Variants in ECEL1 observed in about 807,000 individuals in gnomAD.
The protein encoded by ECEL1 is endothelin-converting enzyme-like 1.
In ECEL1, 87 loss-of-function variants were observed where a neutral mutation model predicts 101.8. The observed-to-expected ratio is 0.85, with a 90% CI of 0.72 to 1.02. ECEL1 has a LOEUF of 1.02. ECEL1 is among the 50% of genes least tolerant of loss of function. The pLI is 0.00. For missense variants in ECEL1, 1,032 were observed against 1,079.2 expected, an observed-to-expected ratio of 0.96 and a Z score of 0.61; for synonymous variants, 487 against 468.7, an observed-to-expected ratio of 1.04 and a Z score of -0.50.
rs769639275 is a variant in ECEL1 at position 232,485,944 on chromosome 2, C to A, written c.710G>T (p.Gly237Val). The change falls in exon 2 of 18, where the codon GGC (glycine) becomes GTC (valine). Residue 237 changes from glycine to valine, a missense_variant. Physicochemically the swap from Gly to Val is moderately radical, Grantham distance 109. Transcript: ENST00000304546. Reference protein sequence around the residue: ...DLNRLLYKAQGVYSAAALFSL... With the variant: ...DLNRLLYKAQVVYSAAALFSL... ...GAAGAGCGCGGCGGCGCTGTACACGCCCTGCGCCTTGTACAGCAGCCGGTT... is the reference window on the plus strand; with the variant it reads ...GAAGAGCGCGGCGGCGCTGTACACGACCTGCGCCTTGTACAGCAGCCGGTT... The A allele has an allele frequency of 6.3e-7, 1 of 1,585,744 alleles. No homozygotes were observed. Among genetic ancestry groups the A allele is most frequent in the Admixed American group, 1.8e-5 (1 of 56,478 alleles).
Position 232,481,636 on chromosome 2 carries a change from G to C in ECEL1, c.1865-6C>G. Reference sequence around the variant, plus strand: ...TGAGCGGTCATACTGGCCCCCTGTGGGCAGTGCAGCAGGCTGAGACCCACC... The same window carrying C: ...TGAGCGGTCATACTGGCCCCCTGTGCGCAGTGCAGCAGGCTGAGACCCACC... On this transcript the variant is annotated splice_region_variant and splice_polypyrimidine_tract_variant and intron_variant, in intron 13 of 17. Transcript: ENST00000304546. 6.2e-7 allele frequency: 1 copy of C among 1,613,416 alleles called. No homozygotes were observed. The highest frequency in any genetic ancestry group is 2.2e-5 in the East Asian group (1 of 44,876).
intron 7 of ECEL1, 116 bp from the exon 8 acceptor site, chr2:232,483,630 G>T: frequency 2.4e-6 from 2 of 821,202 alleles, no homozygotes; most frequent in Non-Finnish European, 3.7e-6. Flanking sequence ...CCTCATTTCT[G>T]AACACCAAGA....
chr2:232,480,817 G>A lies in ECEL1; in HGVS notation c.2056-4C>T. ...CCCGCACCCACTTCTGATAGGCCTG[G>A]GGACACAGAGAGCATGGACCTGCTA... On this transcript the variant is annotated splice_region_variant and splice_polypyrimidine_tract_variant and intron_variant, in intron 15 of 17. Coordinates refer to ENST00000304546, the MANE Select transcript of ECEL1 (RefSeq NM_004826.4). The A allele has an allele frequency of 1.9e-6, 3 of 1,611,660 alleles. No individual in the cohort carries two copies. Among genetic ancestry groups the A allele is most frequent in the Non-Finnish European group, 2.5e-6 (3 of 1,178,928 alleles).
In ECEL1 at chr2:232,479,871, G is replaced by A. The variant is rs763458420; in HGVS notation, c.*282C>T. ...GACCAGACTTTGCAGCAAGAACACAGCGAAGGTGGGGCCCGTACAATCCAG... is the reference window on the plus strand; with the variant it reads ...GACCAGACTTTGCAGCAAGAACACAACGAAGGTGGGGCCCGTACAATCCAG... On this transcript the variant is annotated 3_prime_UTR_variant, in exon 18 of 18. Coordinates refer to ENST00000304546, the MANE Select transcript of ECEL1 (RefSeq NM_004826.4). 1.0e-5 allele frequency: 5 copies of A among 490,858 alleles called. No individual in the cohort carries two copies. Among genetic ancestry groups the A allele is most frequent in the Non-Finnish European group, 1.8e-5 (5 of 271,816 alleles). The allele number at this position is 490,858 out of a possible 1,614,324, so 30.4% of individuals were successfully genotyped here. A position where few individuals can be genotyped will look rare whatever the true frequency, so the allele number is the denominator to read the frequency against.
At position 232,481,530 on chromosome 2, in the gene ECEL1, G is replaced by T; in HGVS notation, c.1965C>A (p.Asp655Glu). Reference sequence around the variant, plus strand: ...CCCGCTGGTTGTAGACAGTGAAGTTGTCATAGAGACGGACGATGCACTCAG... The same window carrying T: ...CCCGCTGGTTGTAGACAGTGAAGTTTTCATAGAGACGGACGATGCACTCAG... ...RKAECIVRLY[D>E]NFTVYNQRVN... Residue 655 changes from aspartate to glutamate, a missense_variant, in exon 14 of 18, where the codon GAC becomes GAA. Physicochemically the swap from Asp to Glu is conservative, Grantham distance 45. Transcript: ENST00000304546. The T allele has an allele frequency of 6.2e-7, 1 of 1,612,956 alleles. No homozygotes were observed. Among genetic ancestry groups the T allele is most frequent in the Non-Finnish European group, 8.5e-7 (1 of 1,179,636 alleles).
In ECEL1 at chr2:232,481,699, C is replaced by T. The variant is rs1384870414; in HGVS notation, c.1865-69G>A. 7 of 1,606,344 alleles carry T rather than the reference C, an allele frequency of 4.4e-6. No individual in the cohort carries two copies. The African/African-American group carries it at 8.0e-5, about 18-fold the overall frequency. ...CCCTCCCCTCCCCACCCACCAGCCCCAGTTAGGCCATCCCCTACCCTGCCT... is the reference window on the plus strand; with the variant it reads ...CCCTCCCCTCCCCACCCACCAGCCCTAGTTAGGCCATCCCCTACCCTGCCT... On this transcript the variant is annotated intron_variant, in intron 13 of 17. Coordinates refer to ENST00000304546, the MANE Select transcript of ECEL1 (RefSeq NM_004826.4).
intron 17 of ECEL1, 60 bp from the exon 18 acceptor site, chr2:232,480,312 C>G (rs937734530): frequency 3.1e-6 from 5 of 1,612,424 alleles, no homozygotes; most frequent in East Asian, 4.5e-5. Context: ...CCCCAGCAAC[C>G]AGGGGTGACT....
chr2:232,480,913 AG>A, intron 15 of ECEL1, 100 bp from the exon 16 acceptor site: 3 of 1,378,534 alleles, frequency 2.2e-6, no homozygotes, highest in East Asian at 2.5e-5. Flanking sequence ...CTCCCTGTGA[AG>A]GGGGGCCCGT....
rs902560306 is a variant in ECEL1 at position 232,483,229 on chromosome 2, C to T, written c.1507-50G>A. 6 of 1,567,728 alleles carry T rather than the reference C, an allele frequency of 3.8e-6. No individual in the cohort carries two copies. The Admixed American group carries it at 1.1e-4, about 30-fold the overall frequency. On this transcript the variant is annotated intron_variant, in intron 8 of 17. Transcript: ENST00000304546. ...TGGCACCAGGCCTCGGGAGACAGCC[C>T]CCCGCCCCCCACCCTACCCACCAAG...
chr2:232,481,936 C>A, intron 12 of ECEL1, 87 bp from the exon 13 acceptor site: 7 of 1,580,032 alleles, frequency 4.4e-6, no homozygotes, highest in African/African-American at 1.3e-5. Flanking sequence ...GTCCCCTGGC[C>A]GGGCCAGGAG....
intron 1 of ECEL1, among the ~76,000 whole-genome samples, 184 bp from the exon 2 acceptor site, chr2:232,486,938 C>G (rs534551610): frequency 6.6e-6 from 1 of 152,166 alleles, no homozygotes; most frequent in Non-Finnish European, 1.5e-5. Flanking sequence ...AGTCTTCCCC[C>G]CTGTCCCCTC....
rs761330693 is a variant in ECEL1, at chr2:232,482,968, G to C, written c.1582-14C>G. 1.9e-6 allele frequency: 3 copies of C among 1,613,916 alleles called. No homozygotes were observed. Among genetic ancestry groups the C allele is most frequent in the Non-Finnish European group, 2.5e-6 (3 of 1,179,904 alleles). On this transcript the variant is annotated splice_polypyrimidine_tract_variant and intron_variant, in intron 9 of 17. Coordinates refer to ENST00000304546, the MANE Select transcript of ECEL1 (RefSeq NM_004826.4). ...ATGGACCTCAAACTGCAGGAGGCAC[G>C]GGCGACACTCAGCGGCAGGCCAGGG...
chr2:232,481,696 C>T, intron 13 of ECEL1, 66 bp from the exon 14 acceptor site: 4 of 1,605,010 alleles, frequency 2.5e-6, no homozygotes, highest in East Asian at 2.2e-5. Context: ...CACCCACCAG[C>T]CCCAGTTAGG....
At position 232,480,442 on chromosome 2, in the gene ECEL1, A is replaced by G. The variant is rs1167029737; in HGVS notation, c.2185T>C (p.Tyr729His). 4 of 1,613,964 alleles carry G rather than the reference A, an allele frequency of 2.5e-6. No homozygotes were observed. The East Asian group carries it at 8.9e-5, about 36-fold the overall frequency. ...TGCTTGTCAGTCAGCACCTGCAGGT[A>G]GATGGACTGCGACCGCCGCTTGATG... ...WCIKRRSQSI[Y>H]LQVLTDKHAP... Residue 729 changes from tyrosine to histidine, a missense_variant, in exon 17 of 18, where the codon TAC (tyrosine) becomes CAC (histidine). Physicochemically the swap from Tyr to His is moderately conservative, Grantham distance 83. Coordinates refer to ENST00000304546, the MANE Select transcript of ECEL1 (RefSeq NM_004826.4).
chr2:232,480,435 T>C lies in ECEL1; in HGVS notation c.2192A>G (p.Gln731Arg). The C allele has an allele frequency of 6.2e-7, 1 of 1,613,990 alleles. No individual in the cohort carries two copies. The highest frequency in any genetic ancestry group is 8.5e-7 in the Non-Finnish European group (1 of 1,179,992). Reference protein sequence around the residue: ...IKRRSQSIYLQVLTDKHAPEH... With the variant: ...IKRRSQSIYLRVLTDKHAPEH... ...AGGGGCATGCTTGTCAGTCAGCACCTGCAGGTAGATGGACTGCGACCGCCG... is the reference window on the plus strand; with the variant it reads ...AGGGGCATGCTTGTCAGTCAGCACCCGCAGGTAGATGGACTGCGACCGCCG... The change falls in exon 17 of 18, where the codon CAG (glutamine) becomes CGG (arginine). Residue 731 changes from glutamine to arginine, a missense_variant. Gln to Arg is a conservative substitution (Grantham distance 43, BLOSUM62 1). Coordinates refer to ENST00000304546, the MANE Select transcript of ECEL1 (RefSeq NM_004826.4).
rs1027662746 is a variant in ECEL1, at chr2:232,483,517, G to C, written c.1408-3C>G. The C allele has an allele frequency of 1.8e-5, 29 of 1,604,316 alleles. No homozygotes were observed. The highest frequency in any genetic ancestry group is 1.1e-5 in the Non-Finnish European group (13 of 1,176,666). ...ATGTCTTCCACTAGCTGCTGCACCT[G>C]CAGGGTCAGGGGTCAGGGAGCAAGG... On this transcript the variant is annotated splice_region_variant and splice_polypyrimidine_tract_variant and intron_variant, in intron 7 of 17. Transcript: ENST00000304546.
intron 2 of ECEL1, 26 bp downstream of exon 2, chr2:232,485,842 G>A (rs1442556584): frequency 1.3e-6 from 2 of 1,539,912 alleles, no homozygotes; most frequent in Non-Finnish European, 8.7e-7. Flanking sequence ...GCGGCCGCTG[G>A]CAGGGCGCTC....
rs555446420 is a variant in ECEL1, at chr2:232,486,707, G to T, written c.-54C>A. The T allele has an allele frequency of 7.4e-4, 1,039 of 1,405,604 alleles. 3 individuals carry two copies. The highest frequency in any genetic ancestry group is 6.6e-4 in the Non-Finnish European group (714 of 1,085,704). The allele number at this position is 1,405,604 out of a possible 1,614,324, so 87.1% of individuals were successfully genotyped here. A position where few individuals can be genotyped will look rare whatever the true frequency, so the allele number is the denominator to read the frequency against. On this transcript the variant is annotated 5_prime_UTR_variant, in exon 2 of 18. Coordinates refer to ENST00000304546, the MANE Select transcript of ECEL1 (RefSeq NM_004826.4). ...GGGCCACCTGGGCTACGGGATGCGCGTGGCCGCCGGCCTCCTCGTGGGCCT... is the reference window on the plus strand; with the variant it reads ...GGGCCACCTGGGCTACGGGATGCGCTTGGCCGCCGGCCTCCTCGTGGGCCT...
At chr2:232,483,678 C>T (rs559587917) in intron 7 of ECEL1, among the ~76,000 whole-genome samples, 164 bp from the exon 8 acceptor site, 3 of 152,192 alleles carry the variant, frequency 2.0e-5, no homozygotes, top group Non-Finnish European at 4.4e-5. Flanking sequence ...CCTGCACCCC[C>T]GAGGGCTCAC....
Sources: gnomAD v4.1 joint callset for allele counts (sites outside exome capture counted in the v4.1 genomes callset) on GRCh38, gnomAD v4.1.1 for gene constraint, MANE v1.5 for transcripts, NCBI Gene and HGNC (gene_info 2026-07-23, HGNC 2026-07-21) for gene names.